DARS1: variants seen among roughly 807,000 people sequenced by gnomAD.
DARS1 encodes the protein aspartate--tRNA ligase, cytoplasmic.
In DARS1, 51 loss-of-function variants were observed where a neutral mutation model predicts 68.8. The ratio of observed to expected loss-of-function variants is 0.74; its 90% confidence interval spans 0.59 to 0.94. The LOEUF is 0.94. DARS1 is among the 40% of genes least tolerant of loss of function. The probability of loss-of-function intolerance (pLI) is 0.00; values close to 1 mark genes in which losing one functional copy is unlikely to be tolerated. For synonymous variants in DARS1, 203 were observed against 190.4 expected (o/e 1.07, Z -0.55); for missense variants, 607 against 597.3 (o/e 1.02, Z -0.17).
intron 4 of DARS1, among the ~76,000 whole-genome samples, chr2:135,956,792 C>G (rs948610386): frequency 7.2e-5 from 11 of 152,038 alleles, no homozygotes; most frequent in African/African-American, 2.7e-4. Context: ...GAGATGGAGT[C>G]CTACTCTGTC....
intron 1 of DARS1, among the ~76,000 whole-genome samples, 179 bp from the exon 2 acceptor site, chr2:135,983,633 C>G (rs1392996510): frequency 6.6e-6 from 1 of 152,166 alleles, no homozygotes; most frequent in Non-Finnish European, 1.5e-5. Context: ...ATGTACTCTA[C>G]AGAAAACAGA....
chr2:135,912,569 A>G lies in DARS1; in HGVS notation c.1150-3T>C. The G allele has an allele frequency of 1.2e-6, 1 of 819,512 alleles. No homozygotes were observed. Among genetic ancestry groups the G allele is most frequent in the South Asian group, 1.6e-5 (1 of 64,090 alleles). The allele number at this position is 819,512 out of a possible 1,614,324, so 50.8% of individuals were successfully genotyped here. Reference sequence around the variant, plus strand: ...AGAATATAAAAATCTGTATCATACTATAAAAAGAATAAATGCAATTAAAAT... The same window carrying G: ...AGAATATAAAAATCTGTATCATACTGTAAAAAGAATAAATGCAATTAAAAT... On this transcript the variant is annotated splice_region_variant and splice_polypyrimidine_tract_variant and intron_variant, in intron 12 of 15. Transcript: ENST00000264161.
intron 2 of DARS1, among the ~76,000 whole-genome samples, chr2:135,981,674 C>CTTTTTTTTTTTTTTTT (rs1312008531): frequency 7.1e-5 from 10 of 140,558 alleles, no homozygotes; most frequent in South Asian, 2.3e-4. Context: ...GAAATTTTGG[C>CTTTTTTTTTTTTTTTT]TTTTTTTTTT....
At chr2:135,955,870 G>A (rs1681962062) in intron 4 of DARS1, among the ~76,000 whole-genome samples, 3 of 151,882 alleles carry the variant, frequency 2.0e-5, no homozygotes, top group South Asian at 4.2e-4. Flanking sequence ...TATTGCCCAG[G>A]CTGGTTTTGA....
intron 5 of DARS1, among the ~76,000 whole-genome samples, chr2:135,936,215 T>C (rs951351976): frequency 2.0e-5 from 3 of 152,232 alleles, no homozygotes; most frequent in Admixed American, 1.3e-4. Flanking sequence ...TAGTAGGTAA[T>C]ACTTCATGCT....
Position 135,961,537 on chromosome 2 carries a change from C to T in DARS1, c.218-39G>A, listed in dbSNP as rs373786507. On this transcript the variant is annotated intron_variant, in intron 3 of 15. Transcript: ENST00000264161. Reference sequence around the variant, plus strand: ...AAAGAACACAAATGTATTAAGGACACGCAACTTCAGGTTTTACAAAGAAGG... The same window carrying T: ...AAAGAACACAAATGTATTAAGGACATGCAACTTCAGGTTTTACAAAGAAGG... The T allele has an allele frequency of 6.2e-5, 61 of 990,986 alleles. No individual in the cohort carries two copies. The African/African-American group carries it at 8.2e-4, about 13-fold the overall frequency. 61.4% of individuals were successfully genotyped at this position (990,986 alleles called of 1,614,324 possible).
chr2:135,913,077 CCTTT>C (rs369681783), intron 12 of DARS1, among the ~76,000 whole-genome samples: 93 of 151,436 alleles, frequency 6.1e-4, no homozygotes, highest in African/African-American at 2.1e-3. Flanking sequence ...ACATGTAAGC[CCTTT>C]CTAATTTCTC....
Position 135,916,206 on chromosome 2 carries a change from A to G in DARS1, c.1106+20T>C. ...ATGGATCCTGGAACTTAAAGTAAAA[A>G]AAAAGCCACAAAGACAAACCTCAGA... is the stretch of plus-strand genomic sequence containing the variant. On this transcript the variant is annotated intron_variant, in intron 11 of 15. Coordinates refer to ENST00000264161, the MANE Select transcript of DARS1 (RefSeq NM_001349.4). 6.6e-7 allele frequency: 1 copy of G among 1,515,884 alleles called. No homozygotes were observed. The highest frequency in any genetic ancestry group is 2.3e-5 in the East Asian group (1 of 44,404). The allele number at this position is 1,515,884 out of a possible 1,614,324, so 93.9% of individuals were successfully genotyped here. A position where few individuals can be genotyped will look rare whatever the true frequency, so the allele number is the denominator to read the frequency against.
chr2:135,952,419 A>T (rs1244770780), intron 4 of DARS1, among the ~76,000 whole-genome samples: 1 of 152,158 alleles, frequency 6.6e-6, no homozygotes, highest in Non-Finnish European at 1.5e-5. Context: ...TTGTGGTGAG[A>T]ACTTCCCAAA....
rs16832221 is a variant in DARS1, at chr2:135,931,112, T to C, written c.564+1671A>G. The stretch of plus-strand genomic sequence containing the variant: ...GGCTACACTAGAACCTGACGGAGGA[T>C]ATATCTTAGAACGTTTGTATTATAG... On this transcript the variant is annotated intron_variant, in intron 7 of 15. Coordinates refer to ENST00000264161, the MANE Select transcript of DARS1 (RefSeq NM_001349.4). Among the ~76,000 whole-genome samples the C allele has an allele frequency of 7.8e-3, 1,183 of 152,322 alleles. 17 individuals carry two copies. The highest frequency in any genetic ancestry group is 0.027 in the African/African-American group (1,115 of 41,556).
At chr2:135,972,076 A>G (rs1327531822) in intron 3 of DARS1, among the ~76,000 whole-genome samples, 1 of 152,190 alleles carries the variant, frequency 6.6e-6, no homozygotes, top group South Asian at 2.1e-4. Context: ...AATAGAAAAA[A>G]AAATCCTAAA....
At chr2:135,924,549 C>T (rs1196336453) in intron 7 of DARS1, 51 bp from the exon 8 acceptor site, 5 of 1,568,366 alleles carry the variant, frequency 3.2e-6, no homozygotes, top group African/African-American at 2.8e-5. Flanking sequence ...AATTACTAAG[C>T]ACTAACTCTG....
At chr2:135,930,378 G>T (rs1214265219) in intron 7 of DARS1, among the ~76,000 whole-genome samples, 1 of 152,136 alleles carries the variant, frequency 6.6e-6, no homozygotes, top group East Asian at 1.9e-4. Flanking sequence ...CAAGGGTTAG[G>T]ATGCCCATGA....
At position 135,968,155 on chromosome 2, in the gene DARS1, T is replaced by C. The variant is rs375501778; in HGVS notation, c.218-6657A>G. ...CATGCCTGTAGTCCCAGCCAGCTAC[T>C]TGGGAGGCTAAGGCAGGAGAATCAC... On this transcript the variant is annotated intron_variant, in intron 3 of 15. Coordinates refer to ENST00000264161, the MANE Select transcript of DARS1 (RefSeq NM_001349.4). 1.2e-4 allele frequency among the ~76,000 whole-genome samples: 18 copies of C among 152,164 alleles called. No homozygotes were observed. The East Asian group carries it at 3.1e-3, about 26-fold the overall frequency.
chr2:135,964,516 G>T (rs1259121747), intron 3 of DARS1, among the ~76,000 whole-genome samples: 1 of 152,074 alleles, frequency 6.6e-6, no homozygotes, highest in African/African-American at 2.4e-5. Context: ...TTGCATGCCT[G>T]CTAGAGAAAA....
intron 3 of DARS1, among the ~76,000 whole-genome samples, chr2:135,967,831 C>T (rs1682270693): frequency 6.6e-6 from 1 of 152,102 alleles, no homozygotes; most frequent in Non-Finnish European, 1.5e-5. Context: ...ATATATTACT[C>T]CTGGGGTTAA....
At chr2:135,934,987 C>A (rs1253701537) in intron 5 of DARS1, among the ~76,000 whole-genome samples, 1 of 151,752 alleles carries the variant, frequency 6.6e-6, no homozygotes, top group African/African-American at 2.4e-5. Flanking sequence ...GACAGCATTT[C>A]GCTATGTTGG....
intron 6 of DARS1, 109 bp downstream of exon 6, chr2:135,933,801 C>A: frequency 1.5e-6 from 2 of 1,361,292 alleles, no homozygotes; most frequent in East Asian, 2.7e-5. Context: ...GTTTAAATAA[C>A]AATGGAGCTC....
At chr2:135,961,333 C>A (rs1238396983) in intron 4 of DARS1, 63 bp downstream of exon 4, 2 of 850,278 alleles carry the variant, frequency 2.4e-6, no homozygotes, top group Non-Finnish European at 4.1e-6. Context: ...ATGGTCCAAA[C>A]CCCTGGGAGT....
Sources: allele counts gnomAD v4.1 joint callset (sites outside exome capture counted in the v4.1 genomes callset), GRCh38; gene constraint gnomAD v4.1.1; transcripts MANE v1.5; gene names NCBI Gene and HGNC (gene_info 2026-07-23, HGNC 2026-07-21).